The following GALNTL6 variants were observed in gnomAD, a reference collection of about 807,000 sequenced individuals.
The protein encoded by GALNTL6 is polypeptide N-acetylgalactosaminyltransferase like 6.
In GALNTL6, 46 loss-of-function variants were observed where a neutral mutation model predicts 73.7. That is an observed-to-expected ratio of 0.62 (90% CI 0.49 to 0.80). GALNTL6 has a LOEUF of 0.80. GALNTL6 is among the 30% of genes least tolerant of loss of function. GALNTL6 has a pLI of 0.00. For synonymous variants in GALNTL6, 259 were observed against 263.7 expected, an observed-to-expected ratio of 0.98 and a Z score of 0.17; for missense variants, 604 against 755.0, an observed-to-expected ratio of 0.80 and a Z score of 2.34.
intron 5 of GALNTL6, among the ~76,000 whole-genome samples, chr4:172,416,054 G>GC (rs1730819095): frequency 6.6e-6 from 1 of 152,088 alleles, no homozygotes; most frequent in Admixed American, 6.6e-5. Context: ...TCCTCCCTTA[G>GC]CCACATTCAC....
At chr4:172,706,711 C>A (rs1160432018) in intron 5 of GALNTL6, among the ~76,000 whole-genome samples, 1 of 152,100 alleles carries the variant, frequency 6.6e-6, no homozygotes, top group Admixed American at 6.6e-5. Flanking sequence ...GTTCAGAATA[C>A]TGCACATCTC....
At chr4:172,487,295 C>CTTCTTTCCTTCCTTCTTTCTTTCTTTCT (rs1554029530) in intron 5 of GALNTL6, among the ~76,000 whole-genome samples, 7 of 81,518 alleles carry the variant, frequency 8.6e-5, no homozygotes, top group Non-Finnish European at 1.5e-4. Flanking sequence ...TCCTTCTTTC[C>CTTCTTTCCTTCCTTCTTTCTTTCTTTCT]TTCTGTCTTT....
At chr4:172,047,096 T>A (rs1326698469) in intron 2 of GALNTL6, among the ~76,000 whole-genome samples, 1 of 152,174 alleles carries the variant, frequency 6.6e-6, no homozygotes, top group Non-Finnish European at 1.5e-5. Context: ...CAAACTAACC[T>A]GCTGAAAATG....
In GALNTL6 at chr4:172,506,466, A is replaced by G. The variant is rs1423876683; in HGVS notation, c.553+157777A>G. Among the ~76,000 whole-genome samples, 2 of 54,462 alleles carry G rather than the reference A, an allele frequency of 3.7e-5. 1 individual carries two copies. The highest frequency in any genetic ancestry group is 8.5e-5 in the Non-Finnish European group (2 of 23,612). The allele number at this position is 54,462 out of a possible 152,430, so 35.7% of individuals were successfully genotyped here. A position where few individuals can be genotyped will look rare whatever the true frequency, so the allele number is the denominator to read the frequency against. ...GCTGAAAACTCTGCTGTCTCAGTAT[A>G]TTGGTATGTTACTGCACTACCACAT... is the stretch of plus-strand genomic sequence containing the variant. On this transcript the variant is annotated intron_variant, in intron 5 of 12. Coordinates refer to ENST00000506823, the MANE Select transcript of GALNTL6 (RefSeq NM_001034845.3).
chr4:171,897,156 A>G (rs1421644231), intron 2 of GALNTL6, among the ~76,000 whole-genome samples: 3 of 152,132 alleles, frequency 2.0e-5, no homozygotes, highest in African/African-American at 4.8e-5. Flanking sequence ...GAACAGAAGA[A>G]CAATAAAAAT....
At chr4:172,091,975 T>C (rs1732218204) in intron 2 of GALNTL6, among the ~76,000 whole-genome samples, 1 of 152,216 alleles carries the variant, frequency 6.6e-6, no homozygotes, top group Admixed American at 6.5e-5. Flanking sequence ...TATGAGTCTA[T>C]GTTCTTAAAA....
chr4:172,228,787 A>G (rs565854429), intron 2 of GALNTL6, among the ~76,000 whole-genome samples: 5 of 152,374 alleles, frequency 3.3e-5, no homozygotes, highest in African/African-American at 4.8e-5. Context: ...GCTTTATTCA[A>G]AATGATTATT....
At chr4:171,822,740 C>T (rs1413751852) in intron 2 of GALNTL6, among the ~76,000 whole-genome samples, 1 of 152,096 alleles carries the variant, frequency 6.6e-6, no homozygotes, top group Admixed American at 6.6e-5. Flanking sequence ...GGGAAATAAG[C>T]AATTAAACCA....
At chr4:171,994,373 T>C (rs1293352460) in intron 2 of GALNTL6, among the ~76,000 whole-genome samples, 1 of 152,144 alleles carries the variant, frequency 6.6e-6, no homozygotes, top group Non-Finnish European at 1.5e-5. Flanking sequence ...AGATATTTAA[T>C]GGTTGTTTAT....
intron 7 of GALNTL6, among the ~76,000 whole-genome samples, chr4:172,848,888 C>T (rs1743656447): frequency 6.6e-6 from 1 of 152,094 alleles, no homozygotes; most frequent in Admixed American, 6.5e-5. Context: ...GAGCAGTTAC[C>T]ATCTGAAAGG....
intron 7 of GALNTL6, among the ~76,000 whole-genome samples, chr4:172,840,437 T>C (rs928189014): frequency 6.6e-6 from 1 of 152,168 alleles, no homozygotes; most frequent in Non-Finnish European, 1.5e-5. Flanking sequence ...GTTCTCATAT[T>C]AGGACAAGCA....
At chr4:172,594,817 G>A (rs1737790300) in intron 5 of GALNTL6, among the ~76,000 whole-genome samples, 1 of 152,122 alleles carries the variant, frequency 6.6e-6, no homozygotes, top group African/African-American at 2.4e-5. Context: ...ATCTAAACAT[G>A]CCTATATAAT....
intron 5 of GALNTL6, among the ~76,000 whole-genome samples, chr4:172,707,628 A>T (rs1734436610): frequency 6.6e-6 from 1 of 152,184 alleles, no homozygotes; most frequent in South Asian, 2.1e-4. Flanking sequence ...TAAAATCGTA[A>T]GGAAGACTTT....
At chr4:172,372,670 GC>G (rs1322269888) in intron 5 of GALNTL6, among the ~76,000 whole-genome samples, 4 of 152,198 alleles carry the variant, frequency 2.6e-5, no homozygotes, top group African/African-American at 9.7e-5. Context: ...TTAAAGCAAA[GC>G]TGAAGTTTGA....
At chr4:171,983,484 A>G (rs1560870843) in intron 2 of GALNTL6, among the ~76,000 whole-genome samples, 2 of 150,490 alleles carry the variant, frequency 1.3e-5, no homozygotes, top group East Asian at 1.9e-4. Flanking sequence ...TTATTTATTT[A>G]TTTATTTATT....
intron 2 of GALNTL6, among the ~76,000 whole-genome samples, chr4:172,077,184 T>C (rs988901690): frequency 6.6e-6 from 1 of 152,006 alleles, no homozygotes; most frequent in Non-Finnish European, 1.5e-5. Context: ...ATACAGAAAA[T>C]TGGTACTAGG....
At chr4:172,285,402 A>C (rs1739211320) in intron 3 of GALNTL6, among the ~76,000 whole-genome samples, 1 of 152,206 alleles carries the variant, frequency 6.6e-6, no homozygotes, top group Non-Finnish European at 1.5e-5. Context: ...CCTGCCAGGT[A>C]GGAAAGTCAG....
At chr4:172,341,233 C>T (rs1252694146) in intron 4 of GALNTL6, among the ~76,000 whole-genome samples, 5 of 151,648 alleles carry the variant, frequency 3.3e-5, no homozygotes, top group South Asian at 2.1e-4. Context: ...GGGCGGATCA[C>T]GAGGTCAGGA....
chr4:172,990,231 G>A (rs569029310), intron 10 of GALNTL6, among the ~76,000 whole-genome samples: 3 of 152,296 alleles, frequency 2.0e-5, no homozygotes, highest in Admixed American at 2.0e-4. Flanking sequence ...GATCCTTATT[G>A]CACCTATGCA....
Sources: gnomAD v4.1 joint callset for allele counts (sites outside exome capture counted in the v4.1 genomes callset) on GRCh38, gnomAD v4.1.1 for gene constraint, MANE v1.5 for transcripts, NCBI Gene and HGNC (gene_info 2026-07-23, HGNC 2026-07-21) for gene names.